TENM3: variants seen among roughly 807,000 people sequenced by gnomAD.
TENM3 encodes the protein teneurin-3.
Under a neutral mutation model 255.1 loss-of-function variants are expected in TENM3, and 63 were observed. That is an observed-to-expected ratio of 0.25 (90% CI 0.20 to 0.30). TENM3 has a LOEUF of 0.30. Ranked by LOEUF, TENM3 falls within the 10% of genes least tolerant of loss-of-function variation. The probability of loss-of-function intolerance (pLI) is 1.00; values close to 1 mark genes in which losing one functional copy is unlikely to be tolerated. For missense variants in TENM3, 2,929 were observed against 3,461.1 expected (o/e 0.85, Z 3.86); for synonymous variants, 1,306 against 1,322.3 (o/e 0.99, Z 0.27).
At chr4:181,495,942 A>G in the TENM3 span, among the ~76,000 whole-genome samples, 1 of 150,296 alleles carries the variant, frequency 6.7e-6, no homozygotes, top group East Asian at 1.9e-4. Context: ...AACTTTGCTC[A>G]TCCAGTCTAC....
chr4:182,673,582 T>C (rs562694171), intron 7 of TENM3, among the ~76,000 whole-genome samples: 1 of 152,352 alleles, frequency 6.6e-6, no homozygotes, highest in East Asian at 1.9e-4. Context: ...GCATAACATA[T>C]TCATCTCTAA....
the TENM3 span, among the ~76,000 whole-genome samples, chr4:181,539,277 T>C: frequency 6.6e-6 from 1 of 152,236 alleles, no homozygotes; most frequent in Non-Finnish European, 1.5e-5. Flanking sequence ...CAAAGGTTCT[T>C]CAACTTTTTC....
the TENM3 span, among the ~76,000 whole-genome samples, chr4:181,814,082 C>T: frequency 1.3e-5 from 2 of 152,166 alleles, no homozygotes; most frequent in African/African-American, 4.8e-5. Flanking sequence ...TAAAAGAACT[C>T]ATCCCATTAA....
At chr4:182,045,994 A>G in the TENM3 span, among the ~76,000 whole-genome samples, 8 of 152,026 alleles carry the variant, frequency 5.3e-5, no homozygotes. Context: ...GTCACAGTGA[A>G]CCATCAACAG....
chr4:181,799,932 A>G, the TENM3 span, among the ~76,000 whole-genome samples: 4 of 152,278 alleles, frequency 2.6e-5, no homozygotes, highest in South Asian at 8.3e-4. Flanking sequence ...GATAATGCGG[A>G]TGAGTAGAGT....
At chr4:182,498,447 A>G (rs1736007193) in intron 3 of TENM3, among the ~76,000 whole-genome samples, 1 of 150,436 alleles carries the variant, frequency 6.6e-6, no homozygotes, top group South Asian at 2.1e-4. Context: ...CATTCCCATC[A>G]CTCTAATTAG....
At chr4:181,606,528 T>C in the TENM3 span, among the ~76,000 whole-genome samples, 1 of 152,172 alleles carries the variant, frequency 6.6e-6, no homozygotes, top group African/African-American at 2.4e-5. Flanking sequence ...GAGAGAAGAC[T>C]GTGGTCTGTA....
chr4:182,737,094 T>C lies in TENM3; in HGVS notation c.3235+19T>C. The C allele has an allele frequency of 6.3e-7, 1 of 1,599,346 alleles. No individual in the cohort carries two copies. Among genetic ancestry groups the C allele is most frequent in the Non-Finnish European group, 8.5e-7 (1 of 1,173,510 alleles). On this transcript the variant is annotated intron_variant, in intron 17 of 27. Transcript: ENST00000511685. ...GCTGTTGGTAAGTTCCATATAAATC[T>C]TTGCTGCAGTGAAGTTTTTCTCAAA...
At chr4:181,979,427 T>C in the TENM3 span, among the ~76,000 whole-genome samples, 1 of 151,996 alleles carries the variant, frequency 6.6e-6, no homozygotes, top group Admixed American at 6.6e-5. Flanking sequence ...TTAATTCTTA[T>C]TGGCTTTCTA....
At chr4:181,756,896 A>G in the TENM3 span, among the ~76,000 whole-genome samples, 1 of 152,160 alleles carries the variant, frequency 6.6e-6, no homozygotes, top group Non-Finnish European at 1.5e-5. Flanking sequence ...GTACTAGCTA[A>G]TCCTCCTATA....
At chr4:182,321,812 G>A (rs770838189) in intron 1 of TENM3, among the ~76,000 whole-genome samples, 3 of 151,798 alleles carry the variant, frequency 2.0e-5, no homozygotes, top group Non-Finnish European at 4.4e-5. Context: ...GGATGTGGTG[G>A]TGAGCTCCTA....
chr4:181,848,758 T>C, the TENM3 span, among the ~76,000 whole-genome samples: 1 of 152,156 alleles, frequency 6.6e-6, no homozygotes, highest in Non-Finnish European at 1.5e-5. Context: ...GATGTAAGAA[T>C]GTGTTTACAA....
the TENM3 span, among the ~76,000 whole-genome samples, chr4:181,995,382 A>G: frequency 6.6e-6 from 1 of 152,190 alleles, no homozygotes; most frequent in Non-Finnish European, 1.5e-5. Context: ...CTCTAAGTCA[A>G]TTGTTCAATA....
intron 1 of TENM3, among the ~76,000 whole-genome samples, chr4:182,305,553 G>A (rs893653392): frequency 1.3e-5 from 2 of 152,154 alleles, no homozygotes; most frequent in African/African-American, 4.8e-5. Flanking sequence ...GCATTTTGAT[G>A]GTATTCACTT....
the TENM3 span, among the ~76,000 whole-genome samples, chr4:181,553,737 G>A: frequency 7.2e-5 from 11 of 152,140 alleles, no homozygotes; most frequent in African/African-American, 2.2e-4. Flanking sequence ...CACCGCGCCC[G>A]GCCAATAGAA....
intron 3 of TENM3, among the ~76,000 whole-genome samples, chr4:182,514,415 T>A (rs1043546336): frequency 1.3e-5 from 2 of 152,052 alleles, no homozygotes; most frequent in Non-Finnish European, 2.9e-5. Context: ...GATAATAAAT[T>A]CGATTTGGAA....
intron 3 of TENM3, among the ~76,000 whole-genome samples, chr4:182,460,427 A>G (rs1048658546): frequency 1.3e-5 from 2 of 152,086 alleles, no homozygotes; most frequent in African/African-American, 2.4e-5. Flanking sequence ...TGCTTCTATC[A>G]TGGGGGAAAA....
At chr4:182,713,962 T>A (rs1035207269) in intron 12 of TENM3, 125 bp from the exon 13 acceptor site, 13 of 712,742 alleles carry the variant, frequency 1.8e-5, no homozygotes, top group African/African-American at 3.5e-5. Context: ...TTTCTATCCA[T>A]GTGCAATTAC....
the TENM3 span, among the ~76,000 whole-genome samples, chr4:181,933,843 T>C: frequency 0.91 from 138,252 of 152,208 alleles, 63,247 homozygotes; most frequent in Non-Finnish European, 0.97. Flanking sequence ...GAATAGTTAG[T>C]TGCATTCAAT....
Sources: gnomAD v4.1 joint callset for allele counts (sites outside exome capture counted in the v4.1 genomes callset) on GRCh38, gnomAD v4.1.1 for gene constraint, MANE v1.5 for transcripts, NCBI Gene and HGNC (gene_info 2026-07-23, HGNC 2026-07-21) for gene names.